The following CD46 variants were observed in gnomAD, a reference collection of about 807,000 sequenced individuals.
CD46 encodes membrane cofactor protein.
CD46 carries 30 observed loss-of-function variants against 53.3 expected under a neutral mutation model. The ratio of observed to expected loss-of-function variants is 0.56; its 90% confidence interval spans 0.42 to 0.76. The LOEUF (loss-of-function observed/expected upper bound fraction) is 0.76, where lower values mean the gene tolerates loss of function less well. Among genes scored for constraint, CD46 ranks in the 30% least tolerant of loss-of-function variants. The pLI is 0.00. For missense variants in CD46, 409 were observed against 463.0 expected, an observed-to-expected ratio of 0.88 and a Z score of 1.07; for synonymous variants, 142 against 152.0, an observed-to-expected ratio of 0.93 and a Z score of 0.48.
intron 8 of CD46, among the ~76,000 whole-genome samples, chr1:207,772,019 C>G (rs1222208480): frequency 1.3e-5 from 2 of 152,150 alleles, no homozygotes; most frequent in Non-Finnish European, 2.9e-5. Flanking sequence ...TTGATTCTTC[C>G]TATCCATGAG....
intron 8 of CD46, among the ~76,000 whole-genome samples, chr1:207,782,343 G>C (rs1245875443): frequency 6.6e-6 from 1 of 151,910 alleles, no homozygotes; most frequent in Non-Finnish European, 1.5e-5. Context: ...GGATCCTTAG[G>C]GTTTTCTAAA....
At chr1:207,763,808 C>T (rs866979247) in intron 5 of CD46, among the ~76,000 whole-genome samples, 11 of 148,328 alleles carry the variant, frequency 7.4e-5, no homozygotes, top group African/African-American at 2.5e-4. Flanking sequence ...AGTTTCCTTG[C>T]ATTGTTAACA....
At chr1:207,776,147 G>A (rs1225267370) in intron 8 of CD46, among the ~76,000 whole-genome samples, 1 of 152,268 alleles carries the variant, frequency 6.6e-6, no homozygotes, top group Non-Finnish European at 1.5e-5. Flanking sequence ...CTAGCAGTGA[G>A]CAAGGTTCTG....
chr1:207,783,897 A>G (rs562275736), intron 9 of CD46, among the ~76,000 whole-genome samples: 2 of 152,320 alleles, frequency 1.3e-5, no homozygotes, highest in East Asian at 3.9e-4. Context: ...TGTTTATGAG[A>G]TGAGAAGAGC....
intron 8 of CD46, among the ~76,000 whole-genome samples, chr1:207,771,577 G>A (rs1657510250): frequency 6.6e-6 from 1 of 152,132 alleles, no homozygotes; most frequent in Non-Finnish European, 1.5e-5. Context: ...TTTTGTATAA[G>A]GTGTGAGGAA....
intron 8 of CD46, among the ~76,000 whole-genome samples, chr1:207,782,486 C>T (rs936638158): frequency 2.6e-5 from 4 of 152,050 alleles, no homozygotes; most frequent in Admixed American, 2.6e-4. Flanking sequence ...ACATGGACAC[C>T]CTGTCTTGTT....
At chr1:207,763,828 C>T (rs1377948594) in intron 5 of CD46, among the ~76,000 whole-genome samples, 1 of 142,474 alleles carries the variant, frequency 7.0e-6, no homozygotes, top group Admixed American at 7.0e-5. Context: ...AAGTCAACAG[C>T]GTTAACGTAT....
Position 207,774,582 on chromosome 1 carries a change from C to T in CD46, c.943+4220C>T, listed in dbSNP as rs570426600. On this transcript the variant is annotated intron_variant, in intron 8 of 12. Transcript: ENST00000367042. Reference sequence around the variant, plus strand: ...AGCTCTTGTAAGGCAGGCCTGGTGGCGACAAAATCTGTCAGCATTTGCTTG... The same window carrying T: ...AGCTCTTGTAAGGCAGGCCTGGTGGTGACAAAATCTGTCAGCATTTGCTTG... 8.5e-4 allele frequency among the ~76,000 whole-genome samples: 130 copies of T among 152,156 alleles called. 1 individual carries two copies. The South Asian group carries it at 0.023, about 27-fold the overall frequency.
intron 8 of CD46, among the ~76,000 whole-genome samples, chr1:207,774,656 G>C (rs973501147): frequency 1.3e-5 from 2 of 152,216 alleles, no homozygotes; most frequent in East Asian, 3.9e-4. Context: ...TAGTTTGGCT[G>C]GATATGAGAT....
intron 9 of CD46, chr1:207,783,862 CTTAAACTG>C (rs1179238488): frequency 6.5e-6 from 1 of 152,902 alleles, no homozygotes; most frequent in East Asian, 1.9e-4. Context: ...CTGTTGCCAT[CTTAAACTG>C]TTAAACACTT....
Position 207,793,960 on chromosome 1 carries a change from T to C in CD46, c.*483T>C. The C allele has an allele frequency of 4.2e-6, 1 of 239,614 alleles. No homozygotes were observed. Among genetic ancestry groups the C allele is most frequent in the Admixed American group, 5.0e-5 (1 of 19,920 alleles). 14.8% of individuals were successfully genotyped at this position (239,614 alleles called of 1,614,324 possible). The stretch of plus-strand genomic sequence containing the variant: ...CTTGAAATCTTTTTTGTTCAAAGAT[T>C]AATGCCAACTCTTAAGATTATTCTT... On this transcript the variant is annotated 3_prime_UTR_variant, in exon 13 of 13. Coordinates refer to ENST00000367042, the MANE Select transcript of CD46 (RefSeq NM_172351.3).
intron 12 of CD46, among the ~76,000 whole-genome samples, chr1:207,792,409 G>T (rs1429581237): frequency 6.6e-6 from 1 of 152,144 alleles, no homozygotes; most frequent in African/African-American, 2.4e-5. Flanking sequence ...TAGTAATGAC[G>T]CAGTAGAGAA....
At chr1:207,773,296 T>G (rs536976861) in intron 8 of CD46, among the ~76,000 whole-genome samples, 1 of 152,318 alleles carries the variant, frequency 6.6e-6, no homozygotes, top group South Asian at 2.1e-4. Flanking sequence ...TCTTTACTTC[T>G]TTATTAGTCT....
At chr1:207,759,146 A>G (rs1655897745) in intron 3 of CD46, among the ~76,000 whole-genome samples, 1 of 152,186 alleles carries the variant, frequency 6.6e-6, no homozygotes, top group Non-Finnish European at 1.5e-5. Flanking sequence ...AACTTATCTA[A>G]TCCCCTAAAC....
intron 8 of CD46, among the ~76,000 whole-genome samples, chr1:207,772,308 C>T (rs896673485): frequency 1.3e-5 from 2 of 152,148 alleles, no homozygotes; most frequent in African/African-American, 4.8e-5. Context: ...TGGGCTGAGA[C>T]GATGGGGTTT....
chr1:207,782,223 T>C (rs1658811641), intron 8 of CD46, among the ~76,000 whole-genome samples: 1 of 152,228 alleles, frequency 6.6e-6, no homozygotes, highest in South Asian at 2.1e-4. Context: ...GATTATTCAT[T>C]GTTAGTGTAT....
chr1:207,759,796 C>T (rs1028482030), intron 4 of CD46, 72 bp downstream of exon 4: 32 of 794,426 alleles, frequency 4.0e-5, no homozygotes, highest in Non-Finnish European at 6.3e-5. Context: ...ACACCCTTTA[C>T]ACTTTAAGAT....
rs1655700581 is a variant in CD46, at chr1:207,757,557, A to G, written c.304A>G (p.Ile102Val). ...DACYRETCPY[I>V]RDPLNGQAVP... Reference sequence around the variant, plus strand: ...TCTTTCAGGAGAAACATGTCCATATATACGGGATCCTTTAAATGGCCAAGC... The same window carrying G: ...TCTTTCAGGAGAAACATGTCCATATGTACGGGATCCTTTAAATGGCCAAGC... The change falls in exon 3 of 13, where the codon ATA (isoleucine) becomes GTA (valine). Residue 102 changes from isoleucine to valine, a missense_variant. Physicochemically the swap from Ile to Val is conservative, Grantham distance 29. Transcript: ENST00000367042. 1.9e-6 allele frequency: 3 copies of G among 1,604,694 alleles called. No homozygotes were observed. In the Admixed American group the frequency reaches 5.0e-5, roughly 27 times the overall value.
Position 207,785,087 on chromosome 1 carries a change from T to A in CD46, c.999T>A (p.Ala333=), listed in dbSNP as rs1289434826. 6.2e-7 allele frequency: 1 copy of A among 1,613,052 alleles called. No individual in the cohort carries two copies. Among genetic ancestry groups the A allele is most frequent in the African/African-American group, 1.3e-5 (1 of 74,928 alleles). ...ILDSLDVWVI[A]VIVIAIVVGV... is the part of the protein sequence containing the mutation. ...CTTTCTCAGATGTTTGGGTCATTGC[T>A]GTGATTGTTATTGCCATAGGTAAGT... The change falls in exon 10 of 13, where the codon GCT becomes GCA. Residue 333 remains alanine (A), a synonymous_variant. Coordinates refer to ENST00000367042, the MANE Select transcript of CD46 (RefSeq NM_172351.3).
Sources: allele counts gnomAD v4.1 joint callset (sites outside exome capture counted in the v4.1 genomes callset), GRCh38; gene constraint gnomAD v4.1.1; transcripts MANE v1.5; gene names NCBI Gene and HGNC (gene_info 2026-07-23, HGNC 2026-07-21).